Variants in CTNNA3 observed in about 807,000 individuals in gnomAD.
The protein encoded by CTNNA3 is catenin alpha 3.
CTNNA3 carries 76 observed loss-of-function variants against 95.7 expected under a neutral mutation model. The ratio of observed to expected loss-of-function variants is 0.79; its 90% CI spans 0.66 to 0.96. CTNNA3 has a LOEUF of 0.96. CTNNA3 is among the 40% of genes least tolerant of loss of function. CTNNA3 has a pLI of 0.00. For synonymous variants in CTNNA3, 431 were observed against 374.4 expected, an observed-to-expected ratio of 1.15 and a Z score of -1.74; for missense variants, 1,191 against 1,089.8, an observed-to-expected ratio of 1.09 and a Z score of -1.31.
chr10:66,934,164 A>T (rs757423068), intron 7 of CTNNA3, among the ~76,000 whole-genome samples: 37 of 152,166 alleles, frequency 2.4e-4, no homozygotes, highest in Admixed American at 5.9e-4. Flanking sequence ...TATAAGCAAT[A>T]ATAATCCATT....
At chr10:66,857,501 T>C (rs1319414359) in intron 7 of CTNNA3, among the ~76,000 whole-genome samples, 6 of 152,134 alleles carry the variant, frequency 3.9e-5, no homozygotes, top group African/African-American at 1.4e-4. Context: ...CTTTGGGAAG[T>C]ATGACCATTT....
At chr10:67,520,083 A>G (rs942614318) in intron 5 of CTNNA3, among the ~76,000 whole-genome samples, 1 of 152,128 alleles carries the variant, frequency 6.6e-6, no homozygotes, top group Non-Finnish European at 1.5e-5. Context: ...CAATTTTCTC[A>G]TCTGTAAAAT....
chr10:66,453,402 C>A (rs1466485462), intron 11 of CTNNA3, among the ~76,000 whole-genome samples: 1 of 152,220 alleles, frequency 6.6e-6, no homozygotes, highest in Non-Finnish European at 1.5e-5. Context: ...TACACTGCCA[C>A]TTGGCATCAG....
At chr10:67,068,181 G>A (rs1432699791) in intron 7 of CTNNA3, among the ~76,000 whole-genome samples, 1 of 152,140 alleles carries the variant, frequency 6.6e-6, no homozygotes, top group East Asian at 1.9e-4. Flanking sequence ...GAGAAGGGGG[G>A]AAGGATATAT....
At chr10:67,647,146 T>TTATATATATATATATATATA (rs67324505) in intron 2 of CTNNA3, among the ~76,000 whole-genome samples, 3 of 136,480 alleles carry the variant, frequency 2.2e-5, no homozygotes, top group Non-Finnish European at 3.2e-5. Context: ...ACTCTGAAAA[T>TTATATATATATATATATATA]TATATATATA....
chr10:66,448,969 A>T (rs933686850), intron 11 of CTNNA3, among the ~76,000 whole-genome samples: 3 of 152,122 alleles, frequency 2.0e-5, no homozygotes, highest in African/African-American at 4.8e-5. Flanking sequence ...GAGTAAATCC[A>T]TATGTCTCTT....
chr10:66,145,291 G>A (rs2083824703), intron 13 of CTNNA3, among the ~76,000 whole-genome samples: 1 of 152,066 alleles, frequency 6.6e-6, no homozygotes, highest in Admixed American at 6.6e-5. Flanking sequence ...TCCACACAAA[G>A]ACAAAGGGGA....
chr10:66,296,723 CAAG>C (rs1474625876), intron 12 of CTNNA3, among the ~76,000 whole-genome samples: 1 of 151,974 alleles, frequency 6.6e-6, no homozygotes, highest in Non-Finnish European at 1.5e-5. Flanking sequence ...GTATGGATTT[CAAG>C]AAGATTTTAC....
At chr10:66,334,129 A>C (rs952812042) in intron 12 of CTNNA3, among the ~76,000 whole-genome samples, 2 of 151,868 alleles carry the variant, frequency 1.3e-5, no homozygotes, top group Non-Finnish European at 2.9e-5. Flanking sequence ...GTGTCTCTGC[A>C]TGTGAGATGG....
chr10:66,068,487 A>G (rs2080361218), intron 15 of CTNNA3, among the ~76,000 whole-genome samples: 1 of 152,126 alleles, frequency 6.6e-6, no homozygotes, highest in South Asian at 2.1e-4. Flanking sequence ...TTCTCCATTA[A>G]TTATGATTTT....
chr10:66,529,641 G>A (rs1841397686), intron 10 of CTNNA3, among the ~76,000 whole-genome samples: 1 of 151,822 alleles, frequency 6.6e-6, no homozygotes, highest in African/African-American at 2.4e-5. Context: ...AATAGTGTAG[G>A]AGTTATAAAA....
At chr10:66,831,833 A>G (rs534891835) in intron 7 of CTNNA3, among the ~76,000 whole-genome samples, 16 of 152,300 alleles carry the variant, frequency 1.1e-4, no homozygotes, top group African/African-American at 3.1e-4. Flanking sequence ...CTTTTATCTG[A>G]TATCTTCAGG....
At chr10:66,485,032 C>T (rs1457398085) in intron 11 of CTNNA3, among the ~76,000 whole-genome samples, 2 of 151,974 alleles carry the variant, frequency 1.3e-5, no homozygotes, top group African/African-American at 2.4e-5. Flanking sequence ...CAAAATTCAA[C>T]ATCTTTTCAT....
intron 13 of CTNNA3, among the ~76,000 whole-genome samples, chr10:66,223,485 AT>A (rs750166189): frequency 6.6e-6 from 1 of 152,184 alleles, no homozygotes; most frequent in South Asian, 2.1e-4. Context: ...ACTAAATAGG[AT>A]TTTTAAAAGA....
At chr10:66,950,294 G>T (rs1925569) in intron 7 of CTNNA3, among the ~76,000 whole-genome samples, 146,932 of 152,160 alleles carry the variant, frequency 0.97, 71,154 homozygotes, top group East Asian at 1. Context: ...CTAACTTGAA[G>T]TATATTTACT....
At chr10:66,369,658 C>T (rs2092738366) in intron 12 of CTNNA3, among the ~76,000 whole-genome samples, 1 of 152,138 alleles carries the variant, frequency 6.6e-6, no homozygotes, top group South Asian at 2.1e-4. Context: ...AAAATATTCA[C>T]ATCTATTAAT....
intron 14 of CTNNA3, among the ~76,000 whole-genome samples, chr10:66,091,191 A>C (rs2081199959): frequency 6.6e-6 from 1 of 151,970 alleles, no homozygotes; most frequent in Admixed American, 6.6e-5. Flanking sequence ...CATACTTGCT[A>C]GCCAGATGTC....
intron 2 of CTNNA3, among the ~76,000 whole-genome samples, chr10:67,610,862 C>T (rs1389806135): frequency 6.6e-6 from 1 of 152,156 alleles, no homozygotes; most frequent in African/African-American, 2.4e-5. Context: ...CCCTCCCATT[C>T]CCCTCTTTCT....
chr10:66,784,379 GA>G (rs1303887720), intron 7 of CTNNA3, among the ~76,000 whole-genome samples: 2 of 151,950 alleles, frequency 1.3e-5, no homozygotes, highest in African/African-American at 2.4e-5. Flanking sequence ...TTAGCCTATT[GA>G]AAATATTATT....
Sources: allele counts gnomAD v4.1 joint callset (sites outside exome capture counted in the v4.1 genomes callset), GRCh38; gene constraint gnomAD v4.1.1; transcripts MANE v1.5; gene names NCBI Gene and HGNC (gene_info 2026-07-23, HGNC 2026-07-21).